Variants in GRIA1 observed in about 807,000 individuals in gnomAD.
GRIA1 encodes the protein glutamate receptor 1.
A neutral mutation model predicts 99.2 loss-of-function variants in GRIA1; 31 were observed. The observed-to-expected ratio is 0.31, with a 90% CI of 0.23 to 0.42. The LOEUF is 0.42. Ranked by LOEUF, GRIA1 falls within the 10% of genes least tolerant of loss-of-function variation. The pLI, the probability that GRIA1 is intolerant of heterozygous loss-of-function variation, is 1.00. For missense variants in GRIA1, 782 were observed against 1,157.5 expected, an observed-to-expected ratio of 0.68 and a Z score of 4.71; for synonymous variants, 438 against 432.4, an observed-to-expected ratio of 1.01 and a Z score of -0.16.
chr5:153,516,913 C>T (rs570916228), intron 2 of GRIA1, among the ~76,000 whole-genome samples: 46 of 152,228 alleles, frequency 3.0e-4, no homozygotes, highest in Middle Eastern at 3.4e-3. Flanking sequence ...CTACTGATGG[C>T]AACATTCATG....
intron 11 of GRIA1, among the ~76,000 whole-genome samples, chr5:153,710,962 C>G (rs55665025): frequency 0.082 from 12,554 of 152,190 alleles, 600 homozygotes; most frequent in African/African-American, 0.11. Flanking sequence ...TAAGAATGAG[C>G]TAGACTTGTA....
chr5:153,572,934 G>A (rs1172688177), intron 2 of GRIA1, among the ~76,000 whole-genome samples: 3 of 152,198 alleles, frequency 2.0e-5, no homozygotes, highest in African/African-American at 7.2e-5. Context: ...ATTCTCCTGG[G>A]CCCTTGTGAA....
intron 13 of GRIA1, among the ~76,000 whole-genome samples, chr5:153,794,247 A>G (rs1765490042): frequency 6.6e-6 from 1 of 152,186 alleles, no homozygotes; most frequent in African/African-American, 2.4e-5. Flanking sequence ...AACATTAACC[A>G]TGAGCACCGA....
chr5:153,598,414 A>C (rs1764605162), intron 2 of GRIA1, among the ~76,000 whole-genome samples: 1 of 152,168 alleles, frequency 6.6e-6, no homozygotes, highest in Non-Finnish European at 1.5e-5. Flanking sequence ...CACCAAATTA[A>C]AAGTATATTT....
At chr5:153,518,601 A>G (rs1318864221) in intron 2 of GRIA1, among the ~76,000 whole-genome samples, 4 of 152,234 alleles carry the variant, frequency 2.6e-5, no homozygotes, top group Non-Finnish European at 5.9e-5. Context: ...TAAAAGTATG[A>G]TAATGTATAT....
At chr5:153,542,365 A>T (rs1759206299) in intron 2 of GRIA1, among the ~76,000 whole-genome samples, 1 of 152,192 alleles carries the variant, frequency 6.6e-6, no homozygotes, top group Admixed American at 6.5e-5. Flanking sequence ...CTGTGGAATC[A>T]GCATGGATCA....
At chr5:153,596,015 C>T (rs1764399493) in intron 2 of GRIA1, among the ~76,000 whole-genome samples, 1 of 115,788 alleles carries the variant, frequency 8.6e-6, no homozygotes, top group African/African-American at 2.8e-5. Flanking sequence ...GGGAAATACA[C>T]ATATATAGAC....
intron 11 of GRIA1, among the ~76,000 whole-genome samples, chr5:153,737,581 C>T (rs529774005): frequency 6.6e-6 from 1 of 152,272 alleles, no homozygotes; most frequent in South Asian, 2.1e-4. Flanking sequence ...TCAGCCTCAG[C>T]CTGGTTTTCC....
chr5:153,602,105 C>T (rs2149398990), intron 2 of GRIA1, among the ~76,000 whole-genome samples: 1 of 152,282 alleles, frequency 6.6e-6, no homozygotes. Context: ...GCACTATTCA[C>T]AATAGCAAAG....
intron 2 of GRIA1, among the ~76,000 whole-genome samples, chr5:153,521,073 A>C (rs1174272536): frequency 6.6e-6 from 1 of 152,236 alleles, no homozygotes; most frequent in African/African-American, 2.4e-5. Context: ...AAATGAGGAA[A>C]ACTCTGCGAG....
intron 2 of GRIA1, among the ~76,000 whole-genome samples, chr5:153,601,337 ACTT>A (rs1413320621): frequency 6.6e-6 from 1 of 152,166 alleles, no homozygotes; most frequent in Non-Finnish European, 1.5e-5. Context: ...TTACTTTTTA[ACTT>A]CTTATTTCCA....
In GRIA1 at chr5:153,811,388, A is replaced by G. The variant is rs1446592443; in HGVS notation, c.*163A>G. 4 of 603,234 alleles carry G rather than the reference A, an allele frequency of 6.6e-6. No individual in the cohort carries two copies. The highest frequency in any genetic ancestry group is 4.0e-5 in the South Asian group (2 of 50,236). The allele number at this position is 603,234 out of a possible 1,614,324, so 37.4% of individuals were successfully genotyped here. A position where few individuals can be genotyped will look rare whatever the true frequency, so the allele number is the denominator to read the frequency against. On this transcript the variant is annotated 3_prime_UTR_variant, in exon 16 of 16. Transcript: ENST00000285900. ...GGTTTTCCTGAAGAATTGAAAAACC[A>G]TTTTGCTGTCCCTTTTCCTTTTTTG...
chr5:153,641,173 C>T (rs925071938), intron 2 of GRIA1, among the ~76,000 whole-genome samples: 1 of 152,078 alleles, frequency 6.6e-6, no homozygotes, highest in Admixed American at 6.6e-5. Flanking sequence ...ATCTCCCTCC[C>T]CTAAAATGAA....
rs934757452 is a variant in GRIA1 at position 153,796,705 on chromosome 5, G to A, written c.2385+1970G>A. ...TCCAGAGGTGGGCAACACTCACTGT[G>A]TGACTCGCCCAAGATTGCCCAGTGA... On this transcript the variant is annotated intron_variant, in intron 14 of 15. Transcript: ENST00000285900. 2.6e-5 allele frequency among the ~76,000 whole-genome samples: 4 copies of A among 152,280 alleles called. No homozygotes were observed. In the South Asian group the frequency reaches 8.3e-4, roughly 32 times the overall value.
At chr5:153,779,684 T>G (rs1449790522) in intron 13 of GRIA1, among the ~76,000 whole-genome samples, 1 of 152,144 alleles carries the variant, frequency 6.6e-6, no homozygotes, top group Non-Finnish European at 1.5e-5. Flanking sequence ...TGCCTCAGCC[T>G]CCCGAGTAGC....
chr5:153,586,525 C>A (rs768169398), intron 2 of GRIA1, among the ~76,000 whole-genome samples: 2 of 152,170 alleles, frequency 1.3e-5, no homozygotes. Flanking sequence ...ATGAATTTAA[C>A]AAAGTCACTC....
At chr5:153,504,900 A>G (rs1188393341) in intron 2 of GRIA1, among the ~76,000 whole-genome samples, 1 of 152,170 alleles carries the variant, frequency 6.6e-6, no homozygotes, top group Admixed American at 6.5e-5. Context: ...GCTATTGTGC[A>G]CAAACTCTTT....
chr5:153,804,658 A>G lies in GRIA1; in HGVS notation c.2520+2168A>G, dbSNP rs551722235. ...GAATGAACGTCTGGGCATAAATTCT[A>G]TCTTCTCCATTTGTTAACTATGTCA... On this transcript the variant is annotated intron_variant, in intron 15 of 15. Transcript: ENST00000285900. 3.3e-5 allele frequency among the ~76,000 whole-genome samples: 5 copies of G among 152,128 alleles called. No homozygotes were observed. The East Asian group carries it at 9.6e-4, about 29-fold the overall frequency.
chr5:153,707,941 C>T (rs888853729), intron 11 of GRIA1, among the ~76,000 whole-genome samples: 1 of 152,052 alleles, frequency 6.6e-6, no homozygotes, highest in African/African-American at 2.4e-5. Flanking sequence ...ATAAATCAGG[C>T]CCGTGGATAA....
Sources: gnomAD v4.1 joint callset for allele counts (sites outside exome capture counted in the v4.1 genomes callset) on GRCh38, gnomAD v4.1.1 for gene constraint, MANE v1.5 for transcripts, NCBI Gene and HGNC (gene_info 2026-07-23, HGNC 2026-07-21) for gene names.